The following PIK3R6 variants were observed in gnomAD, a reference collection of about 807,000 sequenced individuals.
PIK3R6 encodes the protein phosphoinositide 3-kinase regulatory subunit 6.
A neutral mutation model predicts 84.9 loss-of-function variants in PIK3R6; 91 were observed. That is an observed-to-expected ratio of 1.07 (90% CI 0.90 to 1.28). The LOEUF is 1.28. Among genes scored for constraint, PIK3R6 ranks in the 50% most tolerant of loss-of-function variants. The pLI, the probability that PIK3R6 is intolerant of heterozygous loss-of-function variation, is 0.00. For synonymous variants in PIK3R6, 416 were observed against 411.4 expected, an observed-to-expected ratio of 1.01 and a Z score of -0.13; for missense variants, 996 against 985.1, an observed-to-expected ratio of 1.01 and a Z score of -0.15.
chr17:8,863,287 G>A (rs1280198393), intron 1 of PIK3R6, among the ~76,000 whole-genome samples: 1 of 152,028 alleles, frequency 6.6e-6, no homozygotes, highest in Non-Finnish European at 1.5e-5. Flanking sequence ...GTGATATTAT[G>A]ATAGACGTAT....
At chr17:8,806,345 C>T (rs2087206316) in intron 18 of PIK3R6, among the ~76,000 whole-genome samples, 1 of 152,316 alleles carries the variant, frequency 6.6e-6, no homozygotes, top group Non-Finnish European at 1.5e-5. Flanking sequence ...TCAGGCTGCT[C>T]TAGGTGTCTC....
intron 6 of PIK3R6, 37 bp downstream of exon 6, chr17:8,836,754 T>C (rs376307158): frequency 1.0e-4 from 168 of 1,610,502 alleles, no homozygotes; most frequent in Non-Finnish European, 1.4e-4. Flanking sequence ...ATGTTGGAGG[T>C]GCAGCGTGGG....
rs2088899030 is a variant in PIK3R6, at chr17:8,849,772, C to T, written c.13+10G>A. On this transcript the variant is annotated intron_variant, in intron 2 of 19. Transcript: ENST00000619866. ...GGCTCACTAGACCCCTTTCCCCCCA[C>T]CACACTGACCTGAGCTCTCCATGGG... 1 of 1,611,608 alleles carries T rather than the reference C, an allele frequency of 6.2e-7. No homozygotes were observed. Among genetic ancestry groups the T allele is most frequent in the Non-Finnish European group, 8.5e-7 (1 of 1,178,676 alleles).
At chr17:8,811,077 T>G (rs1213337932) in intron 18 of PIK3R6, among the ~76,000 whole-genome samples, 2 of 148,832 alleles carry the variant, frequency 1.3e-5, no homozygotes, top group Non-Finnish European at 2.9e-5. Context: ...TTTCCATATA[T>G]CCTCTGAAAT....
chr17:8,819,671 C>CATATATAT (rs148918327), intron 17 of PIK3R6, among the ~76,000 whole-genome samples: 2,290 of 133,450 alleles, frequency 0.017, 28 homozygotes, highest in South Asian at 0.084. Flanking sequence ...TTTTTTTGTG[C>CATATATAT]ATATATATAT....
rs766723016 is a variant in PIK3R6 at position 8,833,021 on chromosome 17, G to C, written c.670C>G (p.His224Asp). The C allele has an allele frequency of 1.2e-6, 2 of 1,605,854 alleles. No individual in the cohort carries two copies. The highest frequency in any genetic ancestry group is 2.2e-5 in the South Asian group (2 of 90,592). ...GCGGCCACCACGGCGTGGAAATAGT[G>C]CTCCAGGGTGCGGCGAGGGCTGGCC... is the stretch of plus-strand genomic sequence containing the variant. ...LQASPRRTLE[H>D]YFHAVVAALE... The change falls in exon 9 of 20, where the codon CAC becomes GAC. Residue 224 changes from histidine (H) to aspartate (D), a missense_variant. Physicochemically the swap from His to Asp is moderately conservative, Grantham distance 81. Transcript: ENST00000619866.
At position 8,821,881 on chromosome 17, in the gene PIK3R6, A is replaced by C; in HGVS notation, c.1844T>G (p.Leu615Arg). 1 of 1,598,198 alleles carries C rather than the reference A, an allele frequency of 6.3e-7. No homozygotes were observed. Among genetic ancestry groups the C allele is most frequent in the East Asian group, 2.3e-5 (1 of 44,324 alleles). ...EVTVSLRATG[L>R]ILKAIPASDT... ...GCTGGCTGGAATGGCCTTCAGGATC[A>C]GCCCAGTGGCCCGCAGGGAAACGGT... is the stretch of plus-strand genomic sequence containing the variant. The change falls in exon 17 of 20, where the codon CTG becomes CGG. Residue 615 changes from leucine (L) to arginine (R), a missense_variant. Coordinates refer to ENST00000619866, the MANE Select transcript of PIK3R6 (RefSeq NM_001010855.4).
At chr17:8,861,578 C>T (rs1232538201) in intron 1 of PIK3R6, among the ~76,000 whole-genome samples, 1 of 152,216 alleles carries the variant, frequency 6.6e-6, no homozygotes, top group Non-Finnish European at 1.5e-5. Context: ...GAATGTGAAG[C>T]GTCCCTTTGT....
intron 1 of PIK3R6, among the ~76,000 whole-genome samples, chr17:8,864,530 T>TC (rs2089359057): frequency 2.4e-5 from 1 of 41,764 alleles, no homozygotes. Context: ...TTCACAGCTC[T>TC]TTTTTTTTTT....
At chr17:8,804,758 T>C (rs954986503) in intron 18 of PIK3R6, among the ~76,000 whole-genome samples, 2 of 152,108 alleles carry the variant, frequency 1.3e-5, no homozygotes, top group Non-Finnish European at 2.9e-5. Flanking sequence ...CAGGTGGAGC[T>C]TTCAGAGGTT....
chr17:8,852,932 C>A (rs2089012999), intron 1 of PIK3R6, among the ~76,000 whole-genome samples: 1 of 151,586 alleles, frequency 6.6e-6, no homozygotes, highest in Non-Finnish European at 1.5e-5. Context: ...TTTGTCTAAG[C>A]AATTCGACCT....
rs374733654 is a variant in PIK3R6 at position 8,819,689 on chromosome 17, T to TATATACAC, written c.1880-492_1880-491insGTGTATAT. ...TTTTGTGCATATATATATATATATA[T>TATATACAC]ACACACACACACACACACATATATA... On this transcript the variant is annotated intron_variant, in intron 17 of 19. Transcript: ENST00000619866. Among the ~76,000 whole-genome samples the TATATACAC allele has an allele frequency of 3.6e-3, 489 of 135,870 alleles. 2 individuals are homozygous for TATATACAC. The highest frequency in any genetic ancestry group is 6.3e-3 in the South Asian group (28 of 4,432). The allele number at this position is 135,870 out of a possible 152,430, so 89.1% of individuals were successfully genotyped here.
intron 13 of PIK3R6, among the ~76,000 whole-genome samples, chr17:8,823,866 G>A (rs1471679464): frequency 6.6e-6 from 1 of 152,122 alleles, no homozygotes; most frequent in Non-Finnish European, 1.5e-5. Context: ...AAGCAGGCGT[G>A]GGCAAGTTAT....
At chr17:8,832,231 C>T (rs1387131224) in intron 9 of PIK3R6, among the ~76,000 whole-genome samples, 2 of 152,080 alleles carry the variant, frequency 1.3e-5, no homozygotes, top group Middle Eastern at 3.2e-3. Context: ...ATAGTTTCTG[C>T]TTATAAGTTG....
chr17:8,856,579 G>T (rs1054422021), intron 1 of PIK3R6, among the ~76,000 whole-genome samples: 10 of 152,228 alleles, frequency 6.6e-5, no homozygotes, highest in Admixed American at 5.9e-4. Flanking sequence ...TCCAGCCTGG[G>T]TGAAAGAGTG....
Position 8,864,529 on chromosome 17 carries a change from C to G in PIK3R6, c.-92+3000G>C, listed in dbSNP as rs181869264. Among the ~76,000 whole-genome samples, 614 of 65,604 alleles carry G rather than the reference C, an allele frequency of 9.4e-3. 9 individuals are homozygous for G. Among genetic ancestry groups the G allele is most frequent in the African/African-American group, 0.038 (557 of 14,492 alleles). The allele number at this position is 65,604 out of a possible 152,430, so 43.0% of individuals were successfully genotyped here. On this transcript the variant is annotated intron_variant, in intron 1 of 19. Coordinates refer to ENST00000619866, the MANE Select transcript of PIK3R6 (RefSeq NM_001010855.4). ...CTTATAACCCAGGTCCTTCACAGCT[C>G]TTTTTTTTTTTTTTTTTTTTTTTTT...
At chr17:8,824,840 G>A (rs969309275) in intron 13 of PIK3R6, among the ~76,000 whole-genome samples, 2 of 152,124 alleles carry the variant, frequency 1.3e-5, no homozygotes, top group African/African-American at 4.8e-5. Flanking sequence ...GCCAGAAAAT[G>A]TGCACCCCTA....
rs564426255 is a variant in PIK3R6 at position 8,843,266 on chromosome 17, T to A, written c.14-3569A>T. On this transcript the variant is annotated intron_variant, in intron 2 of 19. Coordinates refer to ENST00000619866, the MANE Select transcript of PIK3R6 (RefSeq NM_001010855.4). ...AAAATTAGCTGGTGCTAAGTCTTTT[T>A]TCTCTCTCCTCCCTCCTTCTCTCTC... Among the ~76,000 whole-genome samples the A allele has an allele frequency of 3.4e-3, 513 of 152,274 alleles. 3 individuals are homozygous for A. The highest frequency in any genetic ancestry group is 0.011 in the African/African-American group (460 of 41,560).
Position 8,828,703 on chromosome 17 carries a change from G to A in PIK3R6, c.1177C>T (p.Leu393=). The part of the protein sequence containing the change: ...MPGSWDGPPG[L]HRRTGRPSGD... Reference sequence around the variant, plus strand: ...CTGGGCCGGCCTGTCCTCCGGTGCAGCCCTGGGGGCCCGTCCCAGCTGCCA... The same window carrying A: ...CTGGGCCGGCCTGTCCTCCGGTGCAACCCTGGGGGCCCGTCCCAGCTGCCA... Residue 393 remains leucine (L), a synonymous_variant, in exon 11 of 20, where the codon CTG becomes TTG. Transcript: ENST00000619866. 1 of 1,610,484 alleles carries A rather than the reference G, an allele frequency of 6.2e-7. No individual in the cohort carries two copies. Among genetic ancestry groups the A allele is most frequent in the East Asian group, 2.2e-5 (1 of 44,780 alleles).
Sources: gnomAD v4.1 joint callset for allele counts (sites outside exome capture counted in the v4.1 genomes callset) on GRCh38, gnomAD v4.1.1 for gene constraint, MANE v1.5 for transcripts, NCBI Gene and HGNC (gene_info 2026-07-23, HGNC 2026-07-21) for gene names.